The following SDK1 variants were observed in gnomAD, a reference collection of about 807,000 sequenced individuals.
The protein encoded by SDK1 is protein sidekick-1.
In SDK1, 157 loss-of-function variants were observed where a neutral mutation model predicts 245.5. That is an observed-to-expected ratio of 0.64 (90% CI 0.56 to 0.73). The LOEUF (loss-of-function observed/expected upper bound fraction) is 0.73, where lower values mean the gene tolerates loss of function less well. Ranked by LOEUF, SDK1 falls within the 30% of genes least tolerant of loss-of-function variation. SDK1 has a pLI of 0.00. For synonymous variants in SDK1, 1,647 were observed against 1,278.5 expected, an observed-to-expected ratio of 1.29 and a Z score of -6.15; for missense variants, 3,583 against 3,002.3, an observed-to-expected ratio of 1.19 and a Z score of -4.52.
chr7:4,155,578 C>A (rs1189267444), intron 30 of SDK1, among the ~76,000 whole-genome samples: 1 of 152,140 alleles, frequency 6.6e-6, no homozygotes, highest in Non-Finnish European at 1.5e-5. Flanking sequence ...ATGCCAGAGG[C>A]CAGTGAGAAA....
chr7:4,187,229 C>G (rs1181147184), intron 35 of SDK1, among the ~76,000 whole-genome samples: 1 of 152,136 alleles, frequency 6.6e-6, no homozygotes, highest in African/African-American at 2.4e-5. Context: ...TGGGGGTAAA[C>G]CTCCATAGTT....
chr7:3,950,705 G>A (rs1458954042), intron 5 of SDK1, among the ~76,000 whole-genome samples: 1 of 152,182 alleles, frequency 6.6e-6, no homozygotes, highest in African/African-American at 2.4e-5. Flanking sequence ...GTTGTAAGTT[G>A]AGGACTGGAC....
rs1231981513 is a variant in SDK1, at chr7:3,542,474, C to A, written c.299-76606C>A. Among the ~76,000 whole-genome samples the A allele has an allele frequency of 3.9e-5, 6 of 152,212 alleles. No individual in the cohort carries two copies. The South Asian group carries it at 1.2e-3, about 32-fold the overall frequency. ...CTTTCCTCTTTCAGAGAGAAGGACC[C>A]AGGGAAGAGGGGCTGAAATGGGAGA... On this transcript the variant is annotated intron_variant, in intron 1 of 44. Coordinates refer to ENST00000404826, the MANE Select transcript of SDK1 (RefSeq NM_152744.4).
At chr7:3,400,776 A>G (rs1778867221) in intron 1 of SDK1, among the ~76,000 whole-genome samples, 1 of 152,148 alleles carries the variant, frequency 6.6e-6, no homozygotes, top group African/African-American at 2.4e-5. Context: ...AAAACATTTT[A>G]TGGTTGTGTT....
At chr7:3,373,636 C>CTGT (rs540559143) in intron 1 of SDK1, among the ~76,000 whole-genome samples, 1 of 148,458 alleles carries the variant, frequency 6.7e-6, no homozygotes, top group Non-Finnish European at 1.5e-5. Context: ...ATGTTCTGTT[C>CTGT]TTTTTTTTTT....
intron 14 of SDK1, among the ~76,000 whole-genome samples, chr7:4,001,857 C>G (rs144965789): frequency 4.4e-4 from 67 of 152,342 alleles, no homozygotes; most frequent in Non-Finnish European, 7.2e-4. Context: ...ATCCCTGTCA[C>G]TCCTGTGGCC....
At chr7:3,717,390 T>A (rs1204141123) in intron 4 of SDK1, among the ~76,000 whole-genome samples, 1 of 152,102 alleles carries the variant, frequency 6.6e-6, no homozygotes, top group African/African-American at 2.4e-5. Flanking sequence ...CTGAACTGAA[T>A]GAAAAATCAA....
chr7:3,352,220 A>C (rs1780678536), intron 1 of SDK1, among the ~76,000 whole-genome samples: 1 of 150,990 alleles, frequency 6.6e-6, no homozygotes, highest in Non-Finnish European at 1.5e-5. Context: ...AAATCACTGT[A>C]CTTCTGACCC....
intron 13 of SDK1, among the ~76,000 whole-genome samples, chr7:3,986,627 A>AAGC (rs1562622907): frequency 6.6e-6 from 1 of 152,106 alleles, no homozygotes; most frequent in African/African-American, 2.4e-5. Flanking sequence ...TTGGGAGGCC[A>AAGC]AGGCGGGTGA....
intron 19 of SDK1, among the ~76,000 whole-genome samples, chr7:4,061,239 G>A (rs1408014982): frequency 6.6e-6 from 1 of 151,906 alleles, no homozygotes; most frequent in Non-Finnish European, 1.5e-5. Flanking sequence ...GGGCAGTATG[G>A]CCATTTTCAC....
chr7:4,170,563 G>T (rs974844072), intron 32 of SDK1, among the ~76,000 whole-genome samples: 2 of 152,142 alleles, frequency 1.3e-5, no homozygotes, highest in African/African-American at 4.8e-5. Flanking sequence ...CACATCTCTG[G>T]TGGTGCTTTC....
At chr7:3,750,583 T>C (rs1000489134) in intron 4 of SDK1, among the ~76,000 whole-genome samples, 2 of 152,138 alleles carry the variant, frequency 1.3e-5, no homozygotes, top group Non-Finnish European at 2.9e-5. Flanking sequence ...CCAGTGGGAA[T>C]TCATAGCCAA....
rs186760185 is a variant in SDK1, at chr7:3,435,500, A to G, written c.298+133616A>G. On this transcript the variant is annotated intron_variant, in intron 1 of 44. Transcript: ENST00000404826. ...CACAGACAGTCACGCCCAGCTAATT[A>G]TTATGATTATGATTATGATTATTAT... 2.7e-4 allele frequency among the ~76,000 whole-genome samples: 40 copies of G among 149,228 alleles called. 1 individual carries two copies. The highest frequency in any genetic ancestry group is 8.0e-4 in the Admixed American group (12 of 14,978).
chr7:3,621,229 T>TA, intron 2 of SDK1, among the ~76,000 whole-genome samples: 1 of 152,086 alleles, frequency 6.6e-6, no homozygotes, highest in Non-Finnish European at 1.5e-5. Flanking sequence ...AAAGTGAACT[T>TA]AGAGTTGAGA....
At chr7:3,862,586 ATTAT>A (rs1338134456) in intron 5 of SDK1, among the ~76,000 whole-genome samples, 1 of 152,190 alleles carries the variant, frequency 6.6e-6, no homozygotes, top group African/African-American at 2.4e-5. Context: ...GGTTATCTGA[ATTAT>A]TTGTTAGGCA....
chr7:3,561,098 C>G (rs1779737304), intron 1 of SDK1, among the ~76,000 whole-genome samples: 1 of 152,088 alleles, frequency 6.6e-6, no homozygotes, highest in African/African-American at 2.4e-5. Flanking sequence ...ACCCCTAGTG[C>G]AATGCTAGAT....
At chr7:3,319,760 A>G (rs1271619270) in intron 1 of SDK1, among the ~76,000 whole-genome samples, 1 of 151,688 alleles carries the variant, frequency 6.6e-6, no homozygotes, top group Admixed American at 6.6e-5. Context: ...AAAATATAGC[A>G]TTTTGAAATA....
intron 5 of SDK1, among the ~76,000 whole-genome samples, chr7:3,839,122 C>G (rs1780096126): frequency 6.6e-6 from 1 of 152,202 alleles, no homozygotes; most frequent in African/African-American, 2.4e-5. Context: ...TGGGATGGAT[C>G]CGCCTGAGAA....
At chr7:3,742,137 CT>C (rs796198123) in intron 4 of SDK1, among the ~76,000 whole-genome samples, 8,587 of 143,678 alleles carry the variant, frequency 0.06, 819 homozygotes, top group African/African-American at 0.2. Context: ...CTCTGTTCCT[CT>C]TTTTTTTTTT....
Sources: gnomAD v4.1 joint callset for allele counts (sites outside exome capture counted in the v4.1 genomes callset) on GRCh38, gnomAD v4.1.1 for gene constraint, MANE v1.5 for transcripts, NCBI Gene and HGNC (gene_info 2026-07-23, HGNC 2026-07-21) for gene names.